Variants in UBE3D observed in about 807,000 individuals in gnomAD.
UBE3D encodes the protein E3 ubiquitin-protein ligase E3D.
Under a neutral mutation model 49.6 loss-of-function variants are expected in UBE3D, and 48 were observed. That is an observed-to-expected ratio of 0.97 (90% CI 0.77 to 1.23). The LOEUF is 1.23. Ranked by LOEUF, UBE3D falls within the 50% of genes most tolerant of loss-of-function variation. The probability of loss-of-function intolerance (pLI) is 0.00; values close to 1 mark genes in which losing one functional copy is unlikely to be tolerated. For missense variants in UBE3D, 452 were observed against 468.4 expected (o/e 0.96, Z 0.32); for synonymous variants, 189 against 174.2 (o/e 1.08, Z -0.67).
At chr6:82,911,110 C>G (rs1020502577) in intron 9 of UBE3D, among the ~76,000 whole-genome samples, 1 of 139,922 alleles carries the variant, frequency 7.1e-6, no homozygotes, top group Non-Finnish European at 1.5e-5. Context: ...CACTTGGGAA[C>G]AGTTCACTAT....
chr6:82,979,167 T>G (rs1285718580), intron 8 of UBE3D, among the ~76,000 whole-genome samples: 2 of 152,190 alleles, frequency 1.3e-5, no homozygotes, highest in Non-Finnish European at 2.9e-5. Flanking sequence ...ACCTAGCACA[T>G]CATCTTGCAA....
At chr6:82,949,965 T>C (rs1396492498) in intron 9 of UBE3D, among the ~76,000 whole-genome samples, 3 of 152,180 alleles carry the variant, frequency 2.0e-5, no homozygotes, top group Admixed American at 2.0e-4. Context: ...CAAAGATTTC[T>C]TGAGTAATAT....
chr6:83,054,857 G>A (rs931839983), intron 2 of UBE3D, among the ~76,000 whole-genome samples: 6 of 152,070 alleles, frequency 3.9e-5, no homozygotes, highest in Non-Finnish European at 5.9e-5. Flanking sequence ...CACCATCTTG[G>A]CCAGTCTGGT....
chr6:82,981,338 A>G (rs1778109274), intron 8 of UBE3D, among the ~76,000 whole-genome samples: 1 of 152,138 alleles, frequency 6.6e-6, no homozygotes, highest in Non-Finnish European at 1.5e-5. Context: ...TTTATTACCA[A>G]GATCATTCAT....
At chr6:82,991,050 A>G (rs1250620424) in intron 8 of UBE3D, among the ~76,000 whole-genome samples, 2 of 152,182 alleles carry the variant, frequency 1.3e-5, no homozygotes, top group East Asian at 3.9e-4. Context: ...TCACAGGGCC[A>G]CTGGCAGGAG....
intron 8 of UBE3D, among the ~76,000 whole-genome samples, chr6:82,996,627 G>A (rs1415998119): frequency 6.6e-6 from 1 of 152,064 alleles, no homozygotes; most frequent in East Asian, 1.9e-4. Context: ...ACACTACCTT[G>A]GCTAAGTAAT....
At chr6:82,927,576 A>C (rs186988827) in intron 9 of UBE3D, among the ~76,000 whole-genome samples, 6 of 152,200 alleles carry the variant, frequency 3.9e-5, no homozygotes, top group African/African-American at 1.4e-4. Context: ...AAGAGATCTT[A>C]TACATATTTT....
intron 9 of UBE3D, among the ~76,000 whole-genome samples, chr6:82,954,710 T>C (rs1311658653): frequency 6.6e-6 from 1 of 152,110 alleles, no homozygotes; most frequent in Non-Finnish European, 1.5e-5. Context: ...CAGGCAAAAT[T>C]AGAAGCGCCA....
chr6:82,954,677 C>T (rs1348533637), intron 9 of UBE3D, among the ~76,000 whole-genome samples: 1 of 152,068 alleles, frequency 6.6e-6, no homozygotes, highest in Admixed American at 6.6e-5. Flanking sequence ...AGTGAATTTC[C>T]AATTTAAAAA....
At chr6:82,903,112 C>T (rs1254464181) in intron 9 of UBE3D, among the ~76,000 whole-genome samples, 1 of 152,012 alleles carries the variant, frequency 6.6e-6, no homozygotes, top group Non-Finnish European at 1.5e-5. Flanking sequence ...AATCCATAAT[C>T]CAATTTTAAG....
At chr6:82,891,005 C>G (rs1229568322), downstream of UBE3D, among the ~76,000 whole-genome samples, 1 of 142,110 alleles carries the variant, frequency 7.0e-6, no homozygotes, top group African/African-American at 2.8e-5. Flanking sequence ...AAACTGAACT[C>G]TAAGAAACAG....
chr6:82,990,743 A>G (rs1412851635), intron 8 of UBE3D, among the ~76,000 whole-genome samples: 1 of 152,106 alleles, frequency 6.6e-6, no homozygotes, highest in South Asian at 2.1e-4. Context: ...CTCTCGCAAC[A>G]TATGGATTCA....
chr6:82,931,189 G>C (rs532058874), intron 9 of UBE3D, among the ~76,000 whole-genome samples: 1 of 152,364 alleles, frequency 6.6e-6, no homozygotes, highest in East Asian at 1.9e-4. Context: ...GTCAAGAACT[G>C]AACTTTGCGA....
intron 9 of UBE3D, among the ~76,000 whole-genome samples, chr6:82,947,612 A>G (rs1406317695): frequency 2.6e-5 from 4 of 151,972 alleles, no homozygotes; most frequent in Non-Finnish European, 5.9e-5. Flanking sequence ...ACCTTCTGTT[A>G]ACGTCACAAA....
chr6:82,905,584 G>A (rs1473329226), intron 9 of UBE3D, among the ~76,000 whole-genome samples: 1 of 152,078 alleles, frequency 6.6e-6, no homozygotes, highest in Non-Finnish European at 1.5e-5. Context: ...ATGTTCAAGT[G>A]GAAGGAAGAG....
At chr6:83,062,132 T>A (rs1006065699) in intron 1 of UBE3D, among the ~76,000 whole-genome samples, 2 of 152,204 alleles carry the variant, frequency 1.3e-5, no homozygotes, top group African/African-American at 4.8e-5. Flanking sequence ...TTAAACCCTA[T>A]GCTCAACAAA....
At position 83,054,198 on chromosome 6, in the gene UBE3D, T is replaced by C; in HGVS notation, c.315A>G (p.Glu105=). The change falls in exon 3 of 10, where the codon GAA becomes GAG. Residue 105 remains glutamate (E), a synonymous_variant. Coordinates refer to ENST00000369747, the MANE Select transcript of UBE3D (RefSeq NM_198920.3). The stretch of plus-strand genomic sequence containing the variant: ...AGGATTGGCAATAAAACGTGCAACA[T>C]TCTTGGGTTTGCGAGCTTTGATTAA... ...SMFNQSSQTQ[E]CCTFYCQSCG... The C allele has an allele frequency of 6.2e-7, 1 of 1,614,078 alleles. No homozygotes were observed. Among genetic ancestry groups the C allele is most frequent in the Admixed American group, 1.7e-5 (1 of 60,020 alleles).
chr6:82,919,476 C>T (rs977692498), intron 9 of UBE3D, among the ~76,000 whole-genome samples: 34 of 151,732 alleles, frequency 2.2e-4, no homozygotes, highest in African/African-American at 7.5e-4. Context: ...TGGTGGCAGG[C>T]GCCTGTAGTC....
chr6:82,934,194 G>A (rs1774383331), intron 9 of UBE3D, among the ~76,000 whole-genome samples: 1 of 152,100 alleles, frequency 6.6e-6, no homozygotes. Context: ...TGTAAGACAT[G>A]CCTTGCTTCC....
Sources: allele counts gnomAD v4.1 joint callset (sites outside exome capture counted in the v4.1 genomes callset), GRCh38; gene constraint gnomAD v4.1.1; transcripts MANE v1.5; gene names NCBI Gene and HGNC (gene_info 2026-07-23, HGNC 2026-07-21).